AKAP13: variants seen among roughly 807,000 people sequenced by gnomAD.
AKAP13 encodes the protein A-kinase anchor protein 13.
A neutral mutation model predicts 264.5 loss-of-function variants in AKAP13; 80 were observed. The observed-to-expected ratio is 0.30, with a 90% CI of 0.25 to 0.36. AKAP13 has a LOEUF of 0.36. Ranked by LOEUF, AKAP13 falls within the 10% of genes least tolerant of loss-of-function variation. The probability of loss-of-function intolerance (pLI) is 1.00; values close to 1 mark genes in which losing one functional copy is unlikely to be tolerated. For synonymous variants in AKAP13, 1,380 were observed against 1,250.2 expected, an observed-to-expected ratio of 1.10 and a Z score of -2.19; for missense variants, 3,712 against 3,435.2, an observed-to-expected ratio of 1.08 and a Z score of -2.01.
rs113851629 is a variant in AKAP13 at position 85,513,979 on chromosome 15, G to A, written c.34-7449G>A. ...TTGAGATCTTTATTTTGATTAACCT[G>A]TTCAGTGTATTGGCAGATTTCGCTG... On this transcript the variant is annotated intron_variant, in intron 2 of 36. Coordinates refer to ENST00000394518, the MANE Select transcript of AKAP13 (RefSeq NM_007200.5). Among the ~76,000 whole-genome samples the A allele has an allele frequency of 1.1e-3, 157 of 137,668 alleles. 38 individuals carry two copies. Among genetic ancestry groups the A allele is most frequent in the African/African-American group, 4.3e-3 (148 of 34,114 alleles). 90.3% of individuals were successfully genotyped at this position (137,668 alleles called of 152,430 possible).
At chr15:85,387,943 T>C (rs2070660158) in intron 1 of AKAP13, among the ~76,000 whole-genome samples, 1 of 152,180 alleles carries the variant, frequency 6.6e-6, no homozygotes, top group African/African-American at 2.4e-5. Flanking sequence ...AGAAGCTTTT[T>C]TTGTAGATTT....
In AKAP13 at chr15:85,533,868, C is replaced by G. The variant is rs200017705; in HGVS notation, c.466C>G (p.Gln156Glu). 4 of 1,582,682 alleles carry G rather than the reference C, an allele frequency of 2.5e-6. No individual in the cohort carries two copies. Among genetic ancestry groups the G allele is most frequent in the Admixed American group, 1.9e-5 (1 of 53,470 alleles). ...GGAGTGGAATGTATTGGGGACAGAT[C>G]AGAGTTTGCATGGTGAGAATTTATA... is the stretch of plus-strand genomic sequence containing the variant. ...PTEWNVLGTDQSLHDAGPRET... is the reference protein window; with the variant it reads ...PTEWNVLGTDESLHDAGPRET... The change falls in exon 4 of 37, where the codon CAG (glutamine) becomes GAG (glutamate). Residue 156 changes from glutamine (Q) to glutamate (E), a missense_variant. Physicochemically the swap from Gln to Glu is conservative, Grantham distance 29. Coordinates refer to ENST00000394518, the MANE Select transcript of AKAP13 (RefSeq NM_007200.5).
rs34398013 is a variant in AKAP13, at chr15:85,692,131, T to A, written c.5290-1146T>A. Reference sequence around the variant, plus strand: ...TCCTATCCTCCCTGCCCTGCACCGTTGTCCTTTAGCCACTCCCCAATTTCT... The same window carrying A: ...TCCTATCCTCCCTGCCCTGCACCGTAGTCCTTTAGCCACTCCCCAATTTCT... On this transcript the variant is annotated intron_variant, in intron 16 of 36. Transcript: ENST00000394518. Among the ~76,000 whole-genome samples, 779 of 152,312 alleles carry A rather than the reference T, an allele frequency of 5.1e-3. 4 individuals carry two copies. The highest frequency in any genetic ancestry group is 0.014 in the Middle Eastern group (4 of 294).
chr15:85,688,342 A>G (rs964082253), intron 16 of AKAP13, among the ~76,000 whole-genome samples: 15 of 152,158 alleles, frequency 9.9e-5, no homozygotes, highest in African/African-American at 3.6e-4. Context: ...AGTTTTTAAA[A>G]ATTATTTTTT....
intron 1 of AKAP13, among the ~76,000 whole-genome samples, chr15:85,422,735 G>A (rs1316788653): frequency 2.0e-5 from 3 of 152,160 alleles, no homozygotes; most frequent in African/African-American, 7.2e-5. Context: ...TCTTATTTTG[G>A]CAGCAAACCC....
chr15:85,678,469 A>G (rs929084670), intron 14 of AKAP13, among the ~76,000 whole-genome samples: 5 of 152,232 alleles, frequency 3.3e-5, no homozygotes, highest in Non-Finnish European at 5.9e-5. Flanking sequence ...TGAAAAATAG[A>G]CACAGAATAA....
At chr15:85,734,401 T>TTTAATA (rs1479041329) in intron 30 of AKAP13, among the ~76,000 whole-genome samples, 3 of 152,212 alleles carry the variant, frequency 2.0e-5, no homozygotes, top group African/African-American at 7.2e-5. Context: ...TTAATATGGC[T>TTTAATA]TGTCTTATCA....
intron 5 of AKAP13, among the ~76,000 whole-genome samples, chr15:85,552,169 C>G (rs1329069875): frequency 6.6e-6 from 1 of 152,204 alleles, no homozygotes; most frequent in Non-Finnish European, 1.5e-5. Flanking sequence ...TCTGCCTGTT[C>G]TGTTTTGAAA....
rs545073215 is a variant in AKAP13, at chr15:85,692,577, C to T, written c.5290-700C>T. On this transcript the variant is annotated intron_variant, in intron 16 of 36. Coordinates refer to ENST00000394518, the MANE Select transcript of AKAP13 (RefSeq NM_007200.5). ...CTGAACCGAGGTCTGGTACCATCGT[C>T]CGTATTCTTAACCACTGTACGGTTT... Among the ~76,000 whole-genome samples the T allele has an allele frequency of 4.6e-5, 7 of 152,204 alleles. No homozygotes were observed. In the South Asian group the frequency reaches 1.4e-3, roughly 31 times the overall value.
chr15:85,542,624 C>T (rs1041021763), intron 4 of AKAP13, among the ~76,000 whole-genome samples: 2 of 152,172 alleles, frequency 1.3e-5, no homozygotes, highest in East Asian at 1.9e-4. Context: ...CTTCAGGGTG[C>T]CATTCCCAGC....
At chr15:85,585,969 T>A in intron 8 of AKAP13, 146 bp downstream of exon 8, 1 of 1,131,852 alleles carries the variant, frequency 8.8e-7, no homozygotes, top group Non-Finnish European at 1.2e-6. Context: ...TATAAATGTG[T>A]TTATGTTGCT....
chr15:85,660,075 G>A (rs998775930), intron 12 of AKAP13, among the ~76,000 whole-genome samples: 5 of 152,100 alleles, frequency 3.3e-5, no homozygotes, highest in African/African-American at 7.2e-5. Flanking sequence ...TATCTTGGCC[G>A]AGCACGGTGG....
chr15:85,735,615 T>C lies in AKAP13; in HGVS notation c.7497T>C (p.Asp2499=), dbSNP rs770841887. The C allele has an allele frequency of 5.6e-6, 9 of 1,613,124 alleles. No individual in the cohort carries two copies. In the Admixed American group the frequency reaches 6.7e-5, roughly 12 times the overall value. The change falls in exon 32 of 37, where the codon GAT becomes GAC. Residue 2499 remains aspartate (D), a synonymous_variant. Transcript: ENST00000394518. ...AAGATCTTAGGAGAACGGAATCAGA[T>C]AGTGGCCTAAAAAAGGTATTTCTCT... The part of the protein sequence containing the change: ...DGQDLRRTES[D]SGLKKGGNAN...
intron 1 of AKAP13, among the ~76,000 whole-genome samples, chr15:85,447,265 C>CT (rs2073932969): frequency 2.0e-5 from 3 of 149,672 alleles, no homozygotes; most frequent in Admixed American, 1.3e-4. Context: ...GATTCCATCT[C>CT]AAAATAAATA....
chr15:85,460,630 G>C (rs1042968678), intron 1 of AKAP13, among the ~76,000 whole-genome samples: 1 of 152,206 alleles, frequency 6.6e-6, no homozygotes, highest in Non-Finnish European at 1.5e-5. Flanking sequence ...TTGAGATGTG[G>C]AGATCATCTT....
intron 5 of AKAP13, among the ~76,000 whole-genome samples, chr15:85,570,037 A>ACTGCACT (rs1343456782): frequency 1.5e-5 from 2 of 136,360 alleles, no homozygotes; most frequent in Non-Finnish European, 3.1e-5. Context: ...AGATTGTGCC[A>ACTGCACT]CTGCACTCCA....
chr15:85,548,021 C>T (rs1596492243), intron 5 of AKAP13, among the ~76,000 whole-genome samples: 1 of 152,058 alleles, frequency 6.6e-6, no homozygotes, highest in East Asian at 1.9e-4. Context: ...ATCAGATGAG[C>T]GTGGCATTGT....
chr15:85,391,865 A>G (rs1323423152), intron 1 of AKAP13, among the ~76,000 whole-genome samples: 2 of 151,680 alleles, frequency 1.3e-5, no homozygotes, highest in African/African-American at 2.4e-5. Flanking sequence ...GCTCACTGCA[A>G]CCTCCGTCTC....
rs146902475 is a variant in AKAP13 at position 85,580,520 on chromosome 15, C to T, written c.2452C>T (p.Leu818=). The part of the protein sequence containing the change: ...QKEKGTATPE[L]HTATDYRDGP... ...AGAAAAGGGAACAGCAACTCCTGAA[C>T]TACATACAGCTACAGATTATAGAGA... Residue 818 remains leucine (L), a synonymous_variant, in exon 7 of 37, where the codon CTA becomes TTA. Coordinates refer to ENST00000394518, the MANE Select transcript of AKAP13 (RefSeq NM_007200.5). 210 of 1,614,054 alleles carry T rather than the reference C, an allele frequency of 1.3e-4. 1 individual carries two copies. Among genetic ancestry groups the T allele is most frequent in the Middle Eastern group, 1.6e-4 (1 of 6,084 alleles).
Sources: allele counts gnomAD v4.1 joint callset (sites outside exome capture counted in the v4.1 genomes callset), GRCh38; gene constraint gnomAD v4.1.1; transcripts MANE v1.5; gene names NCBI Gene and HGNC (gene_info 2026-07-23, HGNC 2026-07-21).